The following MDGA2 variants were observed in gnomAD, a reference collection of about 807,000 sequenced individuals.
The protein encoded by MDGA2 is MAM domain containing glycosylphosphatidylinositol anchor 2, also known as MAM domain-containing glycosylphosphatidylinositol anchor protein 2.
In MDGA2, 40 loss-of-function variants were observed where a neutral mutation model predicts 117.8. The observed-to-expected ratio is 0.34, with a 90% confidence interval of 0.26 to 0.44. The LOEUF (loss-of-function observed/expected upper bound fraction) is 0.44, where lower values mean the gene tolerates loss of function less well. Ranked by LOEUF, MDGA2 falls within the 20% of genes least tolerant of loss-of-function variation. The pLI is 1.00. For synonymous variants in MDGA2, 452 were observed against 439.0 expected, an observed-to-expected ratio of 1.03 and a Z score of -0.37; for missense variants, 1,123 against 1,250.6, an observed-to-expected ratio of 0.90 and a Z score of 1.54.
chr14:47,410,606 T>G (rs1892352170), intron 1 of MDGA2, among the ~76,000 whole-genome samples: 1 of 152,028 alleles, frequency 6.6e-6, no homozygotes, highest in African/African-American at 2.4e-5. Flanking sequence ...AACATGTAAA[T>G]GAATCAAATG....
rs1880026274 is a variant in MDGA2, at chr14:47,097,205, T to C, written c.926-82A>G. ...CAACAGCATGCATTATATTGGTTCATTCAAAAAATTAAAATGAAATATAGT... is the reference window on the plus strand; with the variant it reads ...CAACAGCATGCATTATATTGGTTCACTCAAAAAATTAAAATGAAATATAGT... On this transcript the variant is annotated intron_variant, in intron 5 of 16. Transcript: ENST00000399232. 6 of 1,448,296 alleles carry C rather than the reference T, an allele frequency of 4.1e-6. No homozygotes were observed. In the East Asian group the frequency reaches 9.2e-5, roughly 22 times the overall value. 89.7% of individuals were successfully genotyped at this position (1,448,296 alleles called of 1,614,324 possible).
intron 1 of MDGA2, among the ~76,000 whole-genome samples, chr14:47,572,144 T>C (rs962253969): frequency 1.3e-5 from 2 of 152,226 alleles, no homozygotes; most frequent in African/African-American, 4.8e-5. Flanking sequence ...CATCCCTTGC[T>C]GTTCCAAATT....
intron 2 of MDGA2, among the ~76,000 whole-genome samples, chr14:47,271,472 T>G (rs1231288233): frequency 6.6e-6 from 1 of 152,158 alleles, no homozygotes; most frequent in Non-Finnish European, 1.5e-5. Flanking sequence ...ATATTCACTC[T>G]GCAGCAGAGA....
At chr14:47,129,543 A>G (rs1474400287) in intron 5 of MDGA2, among the ~76,000 whole-genome samples, 32 of 148,072 alleles carry the variant, frequency 2.2e-4, no homozygotes, top group African/African-American at 7.2e-4. Context: ...ATAATGCCGC[A>G]ATAAACATAC....
intron 1 of MDGA2, among the ~76,000 whole-genome samples, chr14:47,460,302 C>T (rs867593628): frequency 1.3e-4 from 19 of 150,300 alleles, no homozygotes; most frequent in Non-Finnish European, 2.4e-4. Flanking sequence ...CATGGATACA[C>T]GAAGGAAAAA....
At chr14:47,157,702 C>T (rs1883454442) in intron 3 of MDGA2, among the ~76,000 whole-genome samples, 1 of 151,110 alleles carries the variant, frequency 6.6e-6, no homozygotes, top group Admixed American at 6.6e-5. Flanking sequence ...CCCATAATCC[C>T]CATGTGTGGT....
At chr14:46,948,138 T>G (rs1227493690) in intron 9 of MDGA2, among the ~76,000 whole-genome samples, 1 of 152,070 alleles carries the variant, frequency 6.6e-6, no homozygotes, top group East Asian at 1.9e-4. Flanking sequence ...TTTTTCTTCA[T>G]CATGTTTCTT....
In MDGA2 at chr14:47,559,716, G is replaced by A. The variant is rs143531862; in HGVS notation, c.280+114801C>T. On this transcript the variant is annotated intron_variant, in intron 1 of 16. Coordinates refer to ENST00000399232, the MANE Select transcript of MDGA2 (RefSeq NM_001113498.3). ...GCCTCCCGAGTAGCTAGGATTACAG[G>A]TGCCCACCACCACGCCCAGCTAATT... Among the ~76,000 whole-genome samples the A allele has an allele frequency of 4.6e-3, 704 of 151,894 alleles. 8 individuals are homozygous for A. Among genetic ancestry groups the A allele is most frequent in the African/African-American group, 0.016 (669 of 41,414 alleles).
chr14:46,872,987 A>G (rs907911222), intron 14 of MDGA2, among the ~76,000 whole-genome samples: 2 of 135,716 alleles, frequency 1.5e-5, no homozygotes, highest in African/African-American at 5.3e-5. Flanking sequence ...GCATACTTTA[A>G]AAACATGAAA....
chr14:47,067,414 A>G (rs889020974), intron 6 of MDGA2, among the ~76,000 whole-genome samples: 1 of 152,214 alleles, frequency 6.6e-6, no homozygotes, highest in Non-Finnish European at 1.5e-5. Context: ...TTCCCTTATG[A>G]GCATCACGAA....
At chr14:47,154,893 G>A (rs763029621) in intron 3 of MDGA2, among the ~76,000 whole-genome samples, 3 of 152,174 alleles carry the variant, frequency 2.0e-5, no homozygotes, top group Non-Finnish European at 4.4e-5. Flanking sequence ...GGCCTAGGCT[G>A]CCAGTTCCCC....
At chr14:47,234,954 C>G (rs531728618) in intron 2 of MDGA2, among the ~76,000 whole-genome samples, 112 of 152,088 alleles carry the variant, frequency 7.4e-4, no homozygotes, top group African/African-American at 2.3e-3. Flanking sequence ...ATATGTGTAA[C>G]AATTTGAACA....
chr14:46,970,834 A>T (rs753529822), intron 8 of MDGA2, among the ~76,000 whole-genome samples: 13 of 152,104 alleles, frequency 8.5e-5, no homozygotes, highest in South Asian at 4.1e-4. Context: ...GAACCCAAAT[A>T]ACTCAATAAT....
intron 1 of MDGA2, among the ~76,000 whole-genome samples, chr14:47,424,954 AAGTGTG>A (rs1892654934): frequency 6.6e-6 from 1 of 152,156 alleles, no homozygotes; most frequent in Non-Finnish European, 1.5e-5. Context: ...AGGCAATCTG[AAGTGTG>A]GAGAGAAAGG....
At chr14:47,548,290 A>G (rs972821845) in intron 1 of MDGA2, among the ~76,000 whole-genome samples, 1 of 152,010 alleles carries the variant, frequency 6.6e-6, no homozygotes, top group African/African-American at 2.4e-5. Context: ...CCTCAAGAAT[A>G]GTTTGTTTTG....
chr14:47,458,919 A>G (rs970088318), intron 1 of MDGA2, among the ~76,000 whole-genome samples: 2 of 150,040 alleles, frequency 1.3e-5, no homozygotes, highest in African/African-American at 4.9e-5. Context: ...ATTTCCAGCA[A>G]TGGCCAGAAA....
intron 2 of MDGA2, among the ~76,000 whole-genome samples, chr14:47,301,076 C>T (rs908189745): frequency 6.6e-6 from 1 of 152,004 alleles, no homozygotes; most frequent in African/African-American, 2.4e-5. Flanking sequence ...AAACTCATTG[C>T]CATATGAATT....
At chr14:47,144,769 C>T (rs1320602456) in intron 3 of MDGA2, among the ~76,000 whole-genome samples, 1 of 151,580 alleles carries the variant, frequency 6.6e-6, no homozygotes, top group Non-Finnish European at 1.5e-5. Flanking sequence ...CTACCTCAGT[C>T]TCCTGAGTAG....
At chr14:46,896,358 TATAA>T (rs1440832230) in intron 10 of MDGA2, among the ~76,000 whole-genome samples, 12 of 152,110 alleles carry the variant, frequency 7.9e-5, no homozygotes, top group Non-Finnish European at 1.5e-4. Context: ...TACACAAATG[TATAA>T]ATAGAGATTA....
Sources: gnomAD v4.1 joint callset for allele counts (sites outside exome capture counted in the v4.1 genomes callset) on GRCh38, gnomAD v4.1.1 for gene constraint, MANE v1.5 for transcripts, NCBI Gene and HGNC (gene_info 2026-07-23, HGNC 2026-07-21) for gene names.